Variants in CACHD1 observed in about 807,000 individuals in gnomAD.
CACHD1 encodes VWFA and cache domain-containing protein 1.
In CACHD1, 71 loss-of-function variants were observed where a neutral mutation model predicts 138.7. That is an observed-to-expected ratio of 0.51 (90% CI 0.42 to 0.62). The LOEUF (loss-of-function observed/expected upper bound fraction) is 0.62. CACHD1 is among the 20% of genes least tolerant of loss of function. CACHD1 has a pLI of 0.00. For synonymous variants in CACHD1, 578 were observed against 591.5 expected (o/e 0.98, Z 0.33); for missense variants, 1,389 against 1,625.3 (o/e 0.85, Z 2.50).
intron 1 of CACHD1, among the ~76,000 whole-genome samples, chr1:64,510,496 C>T (rs1047400414): frequency 7.2e-5 from 11 of 152,278 alleles, no homozygotes; most frequent in African/African-American, 2.2e-4. Context: ...GGTCCAGTGA[C>T]GACGGAACAG....
intron 1 of CACHD1, among the ~76,000 whole-genome samples, chr1:64,520,421 G>A (rs142158522): frequency 0.015 from 2,253 of 152,248 alleles, 30 homozygotes; most frequent in South Asian, 0.023. Context: ...CATGGATGGT[G>A]GAAATATTTG....
At chr1:64,634,366 T>G (rs1199714844) in intron 7 of CACHD1, 106 bp downstream of exon 7, 3 of 444,828 alleles carry the variant, frequency 6.7e-6, no homozygotes, top group South Asian at 1.2e-4. Context: ...TTTTATTTAT[T>G]TATTTATGTA....
intron 1 of CACHD1, among the ~76,000 whole-genome samples, chr1:64,533,213 G>A (rs756470932): frequency 6.6e-6 from 1 of 152,122 alleles, no homozygotes; most frequent in South Asian, 2.1e-4. Flanking sequence ...GAAATTAGCC[G>A]GGCGTGGTGG....
At position 64,470,577 on chromosome 1, in the gene CACHD1, T is replaced by C. The variant is rs1163086976; in HGVS notation, c.-168T>C. Among the ~76,000 whole-genome samples, 2 of 151,728 alleles carry C rather than the reference T, an allele frequency of 1.3e-5. No homozygotes were observed. The highest frequency in any genetic ancestry group is 2.4e-5 in the African/African-American group (1 of 41,358). ...GGTGGCCGCCCGCGCTCCCGCGCTG[T>C]AGCCGGGCGCCCCCTAAGTTTGGGA... On this transcript the variant is annotated 5_prime_UTR_variant, in exon 1 of 27. It removes the in-frame stop codon of an upstream open reading frame in the 5' UTR. Transcript: ENST00000651257. The surrounding 1 kb of genome is among the most constrained non-coding windows in gnomAD (Gnocchi z 5.2).
intron 4 of CACHD1, among the ~76,000 whole-genome samples, chr1:64,618,672 A>G (rs1647801382): frequency 6.6e-6 from 1 of 152,202 alleles, no homozygotes. Context: ...GTATGATGCC[A>G]GAAATTTTGT....
intron 1 of CACHD1, among the ~76,000 whole-genome samples, chr1:64,527,189 C>T (rs1646547698): frequency 6.6e-6 from 1 of 152,192 alleles, no homozygotes; most frequent in Non-Finnish European, 1.5e-5. Context: ...GGCACAGGGA[C>T]AGTTGCAGAT....
At chr1:64,620,439 A>G (rs1373421285) in intron 4 of CACHD1, among the ~76,000 whole-genome samples, 1 of 152,176 alleles carries the variant, frequency 6.6e-6, no homozygotes, top group Non-Finnish European at 1.5e-5. Flanking sequence ...TCCCCTCCTA[A>G]GGGGTTCACA....
intron 1 of CACHD1, among the ~76,000 whole-genome samples, chr1:64,536,564 G>A (rs1162172861): frequency 6.6e-6 from 1 of 152,146 alleles, no homozygotes; most frequent in Admixed American, 6.5e-5. Flanking sequence ...GAATTAGCAT[G>A]GTAAAAAATT....
intron 16 of CACHD1, among the ~76,000 whole-genome samples, chr1:64,671,289 C>T (rs995988241): frequency 1.7e-4 from 26 of 151,686 alleles, no homozygotes; most frequent in African/African-American, 5.3e-4. Context: ...TTTTGTCAGT[C>T]GAGCCACTCT....
intron 3 of CACHD1, among the ~76,000 whole-genome samples, chr1:64,599,179 C>T (rs1159063786): frequency 2.0e-5 from 3 of 151,982 alleles, no homozygotes; most frequent in African/African-American, 7.3e-5. Flanking sequence ...AAATGAATTT[C>T]TGTTGTTCAT....
At chr1:64,606,916 T>C (rs973294062) in intron 4 of CACHD1, among the ~76,000 whole-genome samples, 1 of 152,044 alleles carries the variant, frequency 6.6e-6, no homozygotes, top group African/African-American at 2.4e-5. Flanking sequence ...TGTCATTTAT[T>C]GTGATGGGGA....
intron 4 of CACHD1, among the ~76,000 whole-genome samples, chr1:64,608,346 A>G (rs1028242718): frequency 3.3e-5 from 5 of 152,282 alleles, no homozygotes; most frequent in Non-Finnish European, 7.4e-5. Flanking sequence ...TGTACAGCTC[A>G]TGCCCCTTTT....
rs767891732 is a variant in CACHD1 at position 64,632,787 on chromosome 1, GA to G, written c.789+46del. 3.1e-6 allele frequency: 5 copies of G among 1,607,964 alleles called. No individual in the cohort carries two copies. The South Asian group carries it at 5.5e-5, about 18-fold the overall frequency. On this transcript the variant is annotated intron_variant, in intron 6 of 26. Transcript: ENST00000651257. ...ACCCCTATGGCATCAGGTTCTCCTTGAATGCCTTTTTTAAAGTACTTTATTG... is the reference window on the plus strand; with the variant it reads ...ACCCCTATGGCATCAGGTTCTCCTTGATGCCTTTTTTAAAGTACTTTATTG...
intron 1 of CACHD1, among the ~76,000 whole-genome samples, chr1:64,509,221 C>G (rs1646400396): frequency 6.6e-6 from 1 of 152,162 alleles, no homozygotes; most frequent in South Asian, 2.1e-4. Flanking sequence ...GCAAAAGGCT[C>G]TATAACTCCC....
chr1:64,544,002 A>AT (rs1646698937), intron 1 of CACHD1, among the ~76,000 whole-genome samples: 1 of 151,842 alleles, frequency 6.6e-6, no homozygotes. Flanking sequence ...TTTTAAAAAA[A>AT]TTTGTTTAAA....
intron 7 of CACHD1, among the ~76,000 whole-genome samples, chr1:64,641,148 T>C (rs1328304148): frequency 6.6e-6 from 1 of 152,020 alleles, no homozygotes. Flanking sequence ...ACAGCAACAC[T>C]ACTAAGTCAG....
chr1:64,471,441 G>T (rs964346280), intron 1 of CACHD1, among the ~76,000 whole-genome samples: 4 of 152,160 alleles, frequency 2.6e-5, no homozygotes, highest in South Asian at 4.1e-4. Flanking sequence ...CTACCGAGGC[G>T]CACCAATGGG....
At chr1:64,519,782 C>T (rs1646485073) in intron 1 of CACHD1, among the ~76,000 whole-genome samples, 1 of 134,066 alleles carries the variant, frequency 7.5e-6, no homozygotes, top group Admixed American at 7.7e-5. Flanking sequence ...CGGTCATTAC[C>T]ACCTGTTGTA....
chr1:64,540,793 T>C (rs527837919), intron 1 of CACHD1, among the ~76,000 whole-genome samples: 1 of 152,322 alleles, frequency 6.6e-6, no homozygotes, highest in African/African-American at 2.4e-5. Flanking sequence ...TTTTGAGGGA[T>C]GGAGTGAACC....
Sources: gnomAD v4.1 joint callset for allele counts (sites outside exome capture counted in the v4.1 genomes callset) on GRCh38, gnomAD v4.1.1 for gene constraint, Gnocchi (gnomAD v3.1) non-coding constraint, MANE v1.5 for transcripts, NCBI Gene and HGNC (gene_info 2026-07-23, HGNC 2026-07-21) for gene names.